Variants in ACP6 observed in about 807,000 individuals in gnomAD.
The protein encoded by ACP6 is acid phosphatase 6, lysophosphatidic.
In ACP6, 48 loss-of-function variants were observed where a neutral mutation model predicts 48.1. The ratio of observed to expected loss-of-function variants is 1.00; its 90% confidence interval spans 0.79 to 1.27. ACP6 has a LOEUF of 1.27. Ranked by LOEUF, ACP6 falls within the 50% of genes most tolerant of loss-of-function variation. ACP6 has a pLI of 0.00. For synonymous variants in ACP6, 172 were observed against 204.2 expected, an observed-to-expected ratio of 0.84 and a Z score of 1.34; for missense variants, 485 against 529.1, an observed-to-expected ratio of 0.92 and a Z score of 0.82.
intron 9 of ACP6, 136 bp from the exon 10 acceptor site, chr1:147,647,702 C>A: frequency 8.6e-7 from 1 of 1,156,542 alleles, no homozygotes; most frequent in Non-Finnish European, 1.2e-6. Flanking sequence ...GAAGGCCCCA[C>A]TACCCGGTGA....
chr1:147,663,290 G>GC (rs1553120471), intron 1 of ACP6, among the ~76,000 whole-genome samples: 113,319 of 151,892 alleles, frequency 0.75, 42,637 homozygotes, highest in African/African-American at 0.84. Context: ...GTTATCAGAG[G>GC]TGGGGGGGTG....
At chr1:147,668,400 T>G (rs1660909536) in intron 1 of ACP6, among the ~76,000 whole-genome samples, 1 of 146,552 alleles carries the variant, frequency 6.8e-6, no homozygotes, top group Admixed American at 6.8e-5. Context: ...CTAAATCTTT[T>G]CCTAGTGCCT....
At chr1:147,651,186 T>C (rs587711420) in intron 7 of ACP6, 32 of 152,308 alleles carry the variant, frequency 2.1e-4, no homozygotes, top group African/African-American at 7.2e-4. Flanking sequence ...TTCAGAAGAA[T>C]GTATACAGGC....
chr1:147,641,877 G>A (rs1659462859), downstream of ACP6, among the ~76,000 whole-genome samples: 1 of 152,188 alleles, frequency 6.6e-6, no homozygotes, highest in South Asian at 2.1e-4. Flanking sequence ...GCGGGGCGCT[G>A]CCTGCAGAGG....
intron 7 of ACP6, 37 bp downstream of exon 7, chr1:147,652,412 C>T (rs1196775047): frequency 6.3e-7 from 1 of 1,582,236 alleles, no homozygotes; most frequent in Admixed American, 1.7e-5. Context: ...GATGTCTGAC[C>T]AAGCGTGACT....
chr1:147,648,352 C>A lies in ACP6; in HGVS notation c.1037G>T (p.Gly346Val), dbSNP rs1414947020. ...VTFIPLLMTL[G>V]IFDHKWPPFA... Reference sequence around the variant, plus strand: ...CGGTGGCCATTTGTGGTCAAAAATCCCCAGGGTCATTAAGAGCGGTATGAA... The same window carrying A: ...CGGTGGCCATTTGTGGTCAAAAATCACCAGGGTCATTAAGAGCGGTATGAA... The change falls in exon 9 of 10, where the codon GGG becomes GTG. Residue 346 changes from glycine to valine, a missense_variant. Gly to Val is a moderately radical substitution (Grantham distance 109). Transcript: ENST00000583509. 4 of 1,613,992 alleles carry A rather than the reference C, an allele frequency of 2.5e-6. No individual in the cohort carries two copies. The African/African-American group carries it at 4.0e-5, about 16-fold the overall frequency.
intron 7 of ACP6, chr1:147,652,153 C>G (rs1259633423): frequency 8.9e-6 from 3 of 337,218 alleles, no homozygotes; most frequent in Admixed American, 8.8e-5. Flanking sequence ...CTTTCTTCAG[C>G]TCCCCCCACC....
rs1553214500 is a variant in ACP6, at chr1:147,670,150, C to A, written c.-102G>T. ...GCGGGCGCCCCCAAGTCCGCGGGAACCTGCGGATGCGTACATCCAGCCCTT... is the reference window on the plus strand; with the variant it reads ...GCGGGCGCCCCCAAGTCCGCGGGAAACTGCGGATGCGTACATCCAGCCCTT... On this transcript the variant is annotated 5_prime_UTR_variant, in exon 1 of 10. Transcript: ENST00000583509. 4.5e-6 allele frequency: 5 copies of A among 1,111,048 alleles called. No individual in the cohort carries two copies. Among genetic ancestry groups the A allele is most frequent in the Non-Finnish European group, 6.2e-6 (5 of 806,132 alleles). 68.8% of individuals were successfully genotyped at this position (1,111,048 alleles called of 1,614,324 possible). A position where few individuals can be genotyped will look rare whatever the true frequency, so the allele number is the denominator to read the frequency against.
intron 4 of ACP6, among the ~76,000 whole-genome samples, chr1:147,655,574 C>A (rs1319333585): frequency 2.6e-5 from 4 of 152,166 alleles, no homozygotes; most frequent in Non-Finnish European, 5.9e-5. Context: ...TCCAAAAAAT[C>A]CCTGCTGTAA....
intron 1 of ACP6, among the ~76,000 whole-genome samples, chr1:147,666,452 TA>T (rs1462631097): frequency 6.6e-6 from 1 of 152,120 alleles, no homozygotes; most frequent in Non-Finnish European, 1.5e-5. Flanking sequence ...CAAATCTACA[TA>T]AAAGTAAACA....
chr1:147,638,953 C>T (rs1286125631), downstream of ACP6, among the ~76,000 whole-genome samples: 10 of 152,192 alleles, frequency 6.6e-5, no homozygotes, highest in Admixed American at 6.5e-4. Flanking sequence ...ACTTCCCACG[C>T]CCAAGTGATC....
At position 147,647,290 on chromosome 1, in the gene ACP6, G is replaced by T; in HGVS notation, c.*133C>A. 1 of 1,089,698 alleles carries T rather than the reference G, an allele frequency of 9.2e-7. No individual in the cohort carries two copies. Among genetic ancestry groups the T allele is most frequent in the East Asian group, 2.4e-5 (1 of 41,346 alleles). 67.5% of individuals were successfully genotyped at this position (1,089,698 alleles called of 1,614,324 possible). A position where few individuals can be genotyped will look rare whatever the true frequency, so the allele number is the denominator to read the frequency against. On this transcript the variant is annotated 3_prime_UTR_variant, in exon 10 of 10. Transcript: ENST00000583509. The stretch of plus-strand genomic sequence containing the variant: ...AGGAAGAAATCTTAGTAAACCCACA[G>T]AAAGGAAATATCCTTACATTATATT...
intron 1 of ACP6, 131 bp from the exon 2 acceptor site, chr1:147,659,906 G>C: frequency 8.9e-7 from 1 of 1,124,734 alleles, no homozygotes; most frequent in Non-Finnish European, 1.2e-6. Context: ...CTATGGGATG[G>C]AAGGAAAGAA....
At chr1:147,668,082 T>C (rs1189142096) in intron 1 of ACP6, among the ~76,000 whole-genome samples, 3 of 152,168 alleles carry the variant, frequency 2.0e-5, no homozygotes, top group Non-Finnish European at 4.4e-5. Context: ...AAGAGGCTAA[T>C]ATTTGCTCAT....
intron 4 of ACP6, among the ~76,000 whole-genome samples, chr1:147,657,665 C>A (rs1191680563): frequency 6.6e-6 from 1 of 152,082 alleles, no homozygotes; most frequent in East Asian, 1.9e-4. Context: ...ATGATCCACC[C>A]GCCTCAGCCT....
Position 147,650,127 on chromosome 1 carries a change from T to C in ACP6, c.977+16A>G, listed in dbSNP as rs1553210223. On this transcript the variant is annotated intron_variant, in intron 8 of 9. Transcript: ENST00000583509. The stretch of plus-strand genomic sequence containing the variant: ...CGGCCCTTAGCTGCACAAAGCAGAG[T>C]TGCTGTGCCAGGTACCTGATCTTGT... 1 of 1,601,046 alleles carries C rather than the reference T, an allele frequency of 6.2e-7. No homozygotes were observed. The highest frequency in any genetic ancestry group is 2.3e-5 in the East Asian group (1 of 43,968).
intron 1 of ACP6, among the ~76,000 whole-genome samples, chr1:147,661,235 G>A (rs1032255082): frequency 6.6e-6 from 1 of 152,120 alleles, no homozygotes; most frequent in Non-Finnish European, 1.5e-5. Flanking sequence ...CTGGAGTGCA[G>A]TGGCATTACC....
chr1:147,647,665 A>G, intron 9 of ACP6, 99 bp from the exon 10 acceptor site: 1 of 1,408,724 alleles, frequency 7.1e-7, no homozygotes, highest in East Asian at 2.5e-5. Flanking sequence ...TCCATGTGGT[A>G]TACATGTGCA....
chr1:147,634,394 G>A (rs1376139699), intron 5 of ACP6, among the ~76,000 whole-genome samples: 1 of 151,708 alleles, frequency 6.6e-6, no homozygotes, highest in Non-Finnish European at 1.5e-5. Flanking sequence ...CATTCCATGG[G>A]GTGCCTTTTC....
Sources: gnomAD v4.1 joint callset for allele counts (sites outside exome capture counted in the v4.1 genomes callset) on GRCh38, gnomAD v4.1.1 for gene constraint, MANE v1.5 for transcripts, NCBI Gene and HGNC (gene_info 2026-07-23, HGNC 2026-07-21) for gene names.